Variants in CTR9 observed in about 807,000 individuals in gnomAD.
The protein encoded by CTR9 is CTR9 component of Paf1/RNA polymerase II complex, also known as RNA polymerase-associated protein CTR9 homolog.
Under a neutral mutation model 152.1 loss-of-function variants are expected in CTR9, and 41 were observed. The observed-to-expected ratio is 0.27, with a 90% CI of 0.21 to 0.35. The LOEUF is 0.35. Ranked by LOEUF, CTR9 falls within the 10% of genes least tolerant of loss-of-function variation. The pLI, the probability that CTR9 is intolerant of heterozygous loss-of-function variation, is 1.00. For missense variants in CTR9, 917 were observed against 1,424.4 expected, an observed-to-expected ratio of 0.64 and a Z score of 5.73; for synonymous variants, 476 against 496.2, an observed-to-expected ratio of 0.96 and a Z score of 0.54.
At chr11:10,754,017 C>G (rs116196998) in intron 2 of CTR9, among the ~76,000 whole-genome samples, 1 of 152,062 alleles carries the variant, frequency 6.6e-6, no homozygotes, top group Admixed American at 6.5e-5. Flanking sequence ...TGGTATGTGA[C>G]CAATAGTCAG....
At chr11:10,752,527 A>G (rs533330669) in intron 1 of CTR9, 145 bp from the exon 2 acceptor site, 1 of 601,660 alleles carries the variant, frequency 1.7e-6, no homozygotes, top group South Asian at 2.1e-5. Context: ...TGCTCCTTAA[A>G]CATTAACATG....
intron 5 of CTR9, 91 bp from the exon 6 acceptor site, chr11:10,760,082 G>A: frequency 7.0e-7 from 1 of 1,421,008 alleles, no homozygotes; most frequent in Non-Finnish European, 9.7e-7. Flanking sequence ...TGGGGATTTT[G>A]CAACTCATAA....
chr11:10,751,568 C>T, intron 1 of CTR9, 111 bp downstream of exon 1: 1 of 1,069,608 alleles, frequency 9.3e-7, no homozygotes, highest in Non-Finnish European at 1.4e-6. Flanking sequence ...CCTAAGAGCC[C>T]TGATCGAAAT....
chr11:10,776,585 T>C (rs1863238412), intron 24 of CTR9, among the ~76,000 whole-genome samples: 1 of 152,194 alleles, frequency 6.6e-6, no homozygotes, highest in Non-Finnish European at 1.5e-5. Flanking sequence ...TGTGAGACAG[T>C]GTAAGTGCTG....
At chr11:10,755,898 G>C in intron 4 of CTR9, 103 bp downstream of exon 4, 1 of 621,962 alleles carries the variant, frequency 1.6e-6, no homozygotes, top group South Asian at 2.2e-5. Flanking sequence ...AGACAGCAAA[G>C]TAGAAGAGCT....
At chr11:10,761,786 A>T (rs1255245769) in intron 6 of CTR9, among the ~76,000 whole-genome samples, 161 bp from the exon 7 acceptor site, 1 of 152,194 alleles carries the variant, frequency 6.6e-6, no homozygotes, top group Non-Finnish European at 1.5e-5. Flanking sequence ...AGATTTAATT[A>T]CAAATGCAAT....
At position 10,775,650 on chromosome 11, in the gene CTR9, T is replaced by C. The variant is rs772771958; in HGVS notation, c.3095+17T>C. 1 of 1,516,130 alleles carries C rather than the reference T, an allele frequency of 6.6e-7. No homozygotes were observed. Among genetic ancestry groups the C allele is most frequent in the South Asian group, 1.1e-5 (1 of 87,070 alleles). The allele number at this position is 1,516,130 out of a possible 1,614,324, so 93.9% of individuals were successfully genotyped here. ...TGATGAAGGGTAGGATATTTTCTCT[T>C]TGTAAATTCTTCTCATGATGTAGAT... is the stretch of plus-strand genomic sequence containing the variant. On this transcript the variant is annotated intron_variant, in intron 24 of 24. Transcript: ENST00000361367.
intron 4 of CTR9, among the ~76,000 whole-genome samples, 186 bp from the exon 5 acceptor site, chr11:10,756,563 A>T (rs1376498417): frequency 2.6e-5 from 4 of 152,228 alleles, no homozygotes; most frequent in African/African-American, 9.6e-5. Flanking sequence ...TAAAAATAGG[A>T]AGTTTTATTT....
chr11:10,778,532 G>A, intron 24 of CTR9, 147 bp from the exon 25 acceptor site: 2 of 726,426 alleles, frequency 2.8e-6, no homozygotes, highest in South Asian at 2.0e-5. Context: ...CACAAAACAA[G>A]TATCACAGAA....
At position 10,767,666 on chromosome 11, in the gene CTR9, A is replaced by C; in HGVS notation, c.1687-140A>C. ...AAATTTGGATTGCCATGCAAAAAAA[A>C]AAAGAAAGAAAGAAAAGAAAGAAAA... is the stretch of plus-strand genomic sequence containing the variant. On this transcript the variant is annotated intron_variant, in intron 13 of 24. Transcript: ENST00000361367. The surrounding 1 kb of genome is among the most constrained non-coding windows in gnomAD (Gnocchi z 4.0). 1 of 789,578 alleles carries C rather than the reference A, an allele frequency of 1.3e-6. No homozygotes were observed. The highest frequency in any genetic ancestry group is 2.0e-6 in the Non-Finnish European group (1 of 496,204). 48.9% of individuals were successfully genotyped at this position (789,578 alleles called of 1,614,324 possible). A position where few individuals can be genotyped will look rare whatever the true frequency, so the allele number is the denominator to read the frequency against.
At chr11:10,761,256 G>T (rs189869641) in intron 6 of CTR9, among the ~76,000 whole-genome samples, 1,668 of 152,286 alleles carry the variant, frequency 0.011, 12 homozygotes, top group Admixed American at 0.019. Context: ...AGATTATCTG[G>T]ACTGGTGTAG....
At position 10,775,638 on chromosome 11, in the gene CTR9, GAT is replaced by G; in HGVS notation, c.3095+8_3095+9del. On this transcript the variant is annotated splice_donor_region_variant and intron_variant, in intron 24 of 24. Transcript: ENST00000361367. ...ACTTAAAATTGCTGATGAAGGGTAG[GAT>G]ATTTTCTCTTTGTAAATTCTTCTCA... 1 of 1,575,190 alleles carries G rather than the reference GAT, an allele frequency of 6.3e-7. No individual in the cohort carries two copies. The highest frequency in any genetic ancestry group is 8.7e-7 in the Non-Finnish European group (1 of 1,147,426).
At chr11:10,761,535 A>G (rs1862977801) in intron 6 of CTR9, among the ~76,000 whole-genome samples, 1 of 152,128 alleles carries the variant, frequency 6.6e-6, no homozygotes, top group Non-Finnish European at 1.5e-5. Context: ...GTTTGAGCCC[A>G]GGAGGTCAAG....
At chr11:10,776,983 A>G (rs917540243) in intron 24 of CTR9, among the ~76,000 whole-genome samples, 26 of 151,342 alleles carry the variant, frequency 1.7e-4, no homozygotes, top group African/African-American at 6.1e-4. Flanking sequence ...AAAAAAAAAA[A>G]AAAAAAAAAA....
chr11:10,770,553 G>A lies in CTR9; in HGVS notation c.2293G>A (p.Ala765Thr). Residue 765 changes from alanine (A) to threonine (T), a missense_variant, in exon 18 of 25, where the codon GCT becomes ACT. Physicochemically the swap from Ala to Thr is moderately conservative, Grantham distance 58 (BLOSUM62 0). Coordinates refer to ENST00000361367, the MANE Select transcript of CTR9 (RefSeq NM_014633.5). Reference protein sequence around the residue: ...FNVALVLQRLATSVLKDEKSN... With the variant: ...FNVALVLQRLTTSVLKDEKSN... ...TGTGGCCTTGGTCCTGCAAAGATTA[G>A]CTACCTCTGTCCTGAAAGATGAAAA... is the stretch of plus-strand genomic sequence containing the variant. The A allele has an allele frequency of 6.2e-7, 1 of 1,614,020 alleles. No homozygotes were observed. The highest frequency in any genetic ancestry group is 8.5e-7 in the Non-Finnish European group (1 of 1,179,964).
At chr11:10,751,777 T>TA (rs1419147483) in intron 1 of CTR9, among the ~76,000 whole-genome samples, 1 of 152,144 alleles carries the variant, frequency 6.6e-6, no homozygotes, top group Non-Finnish European at 1.5e-5. Context: ...CGATAAACTG[T>TA]AAAACACCTC....
At chr11:10,776,590 G>A (rs899924045) in intron 24 of CTR9, among the ~76,000 whole-genome samples, 12 of 152,154 alleles carry the variant, frequency 7.9e-5, no homozygotes, top group Admixed American at 7.9e-4. Flanking sequence ...GACAGTGTAA[G>A]TGCTGGGAAT....
rs370192341 is a variant in CTR9 at position 10,775,428 on chromosome 11, C to G, written c.2983-93C>G. ...GCTTGTTTTCAAAGTTCATCAGTGG[C>G]TGTTTGATTGTATCATTGTAATGCA... On this transcript the variant is annotated intron_variant, in intron 23 of 24. Transcript: ENST00000361367. 5 of 1,358,820 alleles carry G rather than the reference C, an allele frequency of 3.7e-6. No homozygotes were observed. The East Asian group carries it at 1.2e-4, about 33-fold the overall frequency. 84.2% of individuals were successfully genotyped at this position (1,358,820 alleles called of 1,614,324 possible).
At chr11:10,766,299 T>A in intron 12 of CTR9, 103 bp from the exon 13 acceptor site, 1 of 794,958 alleles carries the variant, frequency 1.3e-6, no homozygotes, top group Non-Finnish European at 2.1e-6. Context: ...GTTCCTTTTA[T>A]GGCGGTATTA....
Sources: allele counts gnomAD v4.1 joint callset (sites outside exome capture counted in the v4.1 genomes callset), GRCh38; gene constraint gnomAD v4.1.1; non-coding constraint Gnocchi (gnomAD v3.1); transcripts MANE v1.5; gene names NCBI Gene and HGNC (gene_info 2026-07-23, HGNC 2026-07-21).